Variants in SLC11A2 observed in about 807,000 individuals in gnomAD.
SLC11A2 encodes solute carrier family 11 member 2, also known as natural resistance-associated macrophage protein 2.
In SLC11A2, 38 loss-of-function variants were observed where a neutral mutation model predicts 68.0. The ratio of observed to expected loss-of-function variants is 0.56; its 90% CI spans 0.43 to 0.73. SLC11A2 has a LOEUF of 0.73. Among genes scored for constraint, SLC11A2 ranks in the 30% least tolerant of loss-of-function variants. The pLI is 0.00. For missense variants in SLC11A2, 517 were observed against 690.5 expected, an observed-to-expected ratio of 0.75 and a Z score of 2.82; for synonymous variants, 242 against 250.6, an observed-to-expected ratio of 0.97 and a Z score of 0.32.
chr12:50,984,007 T>C (rs1026365321), downstream of SLC11A2, among the ~76,000 whole-genome samples: 1 of 151,304 alleles, frequency 6.6e-6, no homozygotes, highest in African/African-American at 2.4e-5. Context: ...TGGGCACCTG[T>C]AATCCCAGCT....
chr12:50,974,907 T>C (rs1220438935), downstream of SLC11A2, among the ~76,000 whole-genome samples: 1 of 152,092 alleles, frequency 6.6e-6, no homozygotes, highest in Non-Finnish European at 1.5e-5. Flanking sequence ...CATTACATAA[T>C]GGTAAAGGGA....
downstream of SLC11A2, among the ~76,000 whole-genome samples, chr12:50,975,371 A>G (rs11503627): frequency 8.5e-3 from 1,288 of 152,280 alleles, 19 homozygotes; most frequent in African/African-American, 0.029. Flanking sequence ...GAAACTGAAC[A>G]ACCTGCTCCT....
rs527353089 is a variant in SLC11A2, at chr12:50,991,464, A to C, written c.1421+135T>G. 43 of 732,482 alleles carry C rather than the reference A, an allele frequency of 5.9e-5. No homozygotes were observed. In the African/African-American group the frequency reaches 7.3e-4, roughly 12 times the overall value. 45.4% of individuals were successfully genotyped at this position (732,482 alleles called of 1,614,324 possible). On this transcript the variant is annotated intron_variant, in intron 14 of 15. Coordinates refer to ENST00000262052, the MANE Select transcript of SLC11A2 (RefSeq NM_000617.3). ...TTCACAGTTTCCATTCTCTAAGCCA[A>C]AGAGGAAGCAGCTAGCAATCACCTC...
In SLC11A2 at chr12:50,990,786, T is replaced by C. The variant is rs2136181742; in HGVS notation, c.1575+9A>G. ...TACCTATGCCCCTGCTCTTCCAGGCTAGACTTACCAAGTAGAACACAAAGC... is the reference window on the plus strand; with the variant it reads ...TACCTATGCCCCTGCTCTTCCAGGCCAGACTTACCAAGTAGAACACAAAGC... On this transcript the variant is annotated intron_variant, in intron 15 of 15. Transcript: ENST00000262052. 6.2e-7 allele frequency: 1 copy of C among 1,613,948 alleles called. No individual in the cohort carries two copies. Among genetic ancestry groups the C allele is most frequent in the South Asian group, 1.1e-5 (1 of 91,078 alleles).
downstream of SLC11A2, chr12:50,979,879 AG>A (rs1240757234): frequency 4.4e-6 from 2 of 454,010 alleles, no homozygotes; most frequent in Non-Finnish European, 8.8e-6. Context: ...TGATGCTCAA[AG>A]TCACACAAAG....
At chr12:51,028,863 C>T (rs1259437198), upstream of SLC11A2, among the ~76,000 whole-genome samples, 1 of 152,074 alleles carries the variant, frequency 6.6e-6, no homozygotes, top group East Asian at 1.9e-4. Context: ...ACGCAAACTC[C>T]GGACTTGGTG....
chr12:51,005,712 C>G (rs777155687), intron 3 of SLC11A2: 1 of 1,305,302 alleles, frequency 7.7e-7, no homozygotes, highest in Non-Finnish European at 1.0e-6. Context: ...TACCTCTGTG[C>G]CCAAACACTT....
At chr12:50,993,325 T>G (rs1257463830) in intron 11 of SLC11A2, among the ~76,000 whole-genome samples, 9 of 152,222 alleles carry the variant, frequency 5.9e-5, no homozygotes, top group Non-Finnish European at 1.3e-4. Flanking sequence ...ACACTATATA[T>G]TCTACTGTTG....
chr12:51,008,875 C>T (rs1942970877), intron 2 of SLC11A2, among the ~76,000 whole-genome samples: 1 of 152,018 alleles, frequency 6.6e-6, no homozygotes, highest in African/African-American at 2.4e-5. Flanking sequence ...TCCCCCTCCC[C>T]CAGTCACTCA....
chr12:50,969,525 C>T, the SLC11A2 span, among the ~76,000 whole-genome samples: 505 of 152,002 alleles, frequency 3.3e-3, 17 homozygotes, highest in South Asian at 0.048. Flanking sequence ...CATGGCGAAA[C>T]GCTGTCTGTA....
rs1028228620 is a variant in SLC11A2 at position 50,986,821 on chromosome 12, A to G, written c.*1504T>C. On this transcript the variant is annotated 3_prime_UTR_variant, in exon 16 of 16. Transcript: ENST00000262052. Reference sequence around the variant, plus strand: ...GTAGTGTACCCTTAAATGCCTTATAAAAGACCATCCATCCAGTCTGCGCTT... The same window carrying G: ...GTAGTGTACCCTTAAATGCCTTATAGAAGACCATCCATCCAGTCTGCGCTT... 5.4e-6 allele frequency: 7 copies of G among 1,287,178 alleles called. No individual in the cohort carries two copies. The Admixed American group carries it at 1.1e-4, about 21-fold the overall frequency. 79.7% of individuals were successfully genotyped at this position (1,287,178 alleles called of 1,614,324 possible).
chr12:51,016,862 A>G (rs1943701014), intron 1 of SLC11A2, among the ~76,000 whole-genome samples: 1 of 150,334 alleles, frequency 6.7e-6, no homozygotes, highest in Non-Finnish European at 1.5e-5. Context: ...AAAAAAAAAA[A>G]AAAAAAAAAT....
downstream of SLC11A2, among the ~76,000 whole-genome samples, chr12:50,982,938 C>CAA (rs34727368): frequency 1.6e-3 from 146 of 89,994 alleles, 1 homozygote; most frequent in South Asian, 3.4e-3. Flanking sequence ...GAGACTCCGT[C>CAA]AAAAAAAAAA....
At chr12:51,025,418 A>C (rs1031350017) in intron 1 of SLC11A2, among the ~76,000 whole-genome samples, 1 of 152,242 alleles carries the variant, frequency 6.6e-6, no homozygotes, top group African/African-American at 2.4e-5. Context: ...CAACATGCTC[A>C]AAGATTTACA....
In SLC11A2 at chr12:50,994,613, A is replaced by T; in HGVS notation, c.1008T>A (p.Asn336Lys). 6.2e-7 allele frequency: 1 copy of T among 1,611,434 alleles called. No homozygotes were observed. The highest frequency in any genetic ancestry group is 8.5e-7 in the Non-Finnish European group (1 of 1,177,536). The change falls in exon 11 of 16, where the codon AAT (asparagine) becomes AAA (lysine). Residue 336 changes from asparagine to lysine, a missense_variant. Transcript: ENST00000262052. ...TNEQVVEVCT[N>K]TSSPHAGLFP... The stretch of plus-strand genomic sequence containing the variant: ...AGAGGCCAGCATGAGGACTGCTGGT[A>T]TTTGTACAGACTTCAACCTAGAACC...
At chr12:51,021,238 A>G (rs1944022238) in intron 1 of SLC11A2, among the ~76,000 whole-genome samples, 1 of 152,214 alleles carries the variant, frequency 6.6e-6, no homozygotes, top group Non-Finnish European at 1.5e-5. Flanking sequence ...CATGTGAGTG[A>G]GGTCCTGGAA....
At chr12:51,016,866 A>G (rs1943701217) in intron 1 of SLC11A2, among the ~76,000 whole-genome samples, 2 of 150,208 alleles carry the variant, frequency 1.3e-5, no homozygotes, top group Admixed American at 1.3e-4. Flanking sequence ...AAAAAAAAAA[A>G]AAAAATTAGT....
the SLC11A2 span, chr12:50,970,461 TA>T: frequency 6.6e-7 from 1 of 1,518,760 alleles, no homozygotes; most frequent in Non-Finnish European, 8.9e-7. Flanking sequence ...ATTCTATGTA[TA>T]AGGATTACAT....
chr12:50,975,006 T>C (rs2136111374), downstream of SLC11A2, among the ~76,000 whole-genome samples: 1 of 152,296 alleles, frequency 6.6e-6, no homozygotes, highest in East Asian at 1.9e-4. Flanking sequence ...CTTAGAGACC[T>C]ACAAAGAGAC....
Sources: allele counts gnomAD v4.1 joint callset (sites outside exome capture counted in the v4.1 genomes callset), GRCh38; gene constraint gnomAD v4.1.1; transcripts MANE v1.5; gene names NCBI Gene and HGNC (gene_info 2026-07-23, HGNC 2026-07-21).